TNXB: variants seen among roughly 807,000 people sequenced by gnomAD.
The protein encoded by TNXB is tenascin XB, also known as tenascin-X.
TNXB carries 183 observed loss-of-function variants against 340.5 expected under a neutral mutation model. The ratio of observed to expected loss-of-function variants is 0.54; its 90% CI spans 0.48 to 0.61. The LOEUF is 0.61. TNXB is among the 20% of genes least tolerant of loss of function. The probability of loss-of-function intolerance (pLI) is 0.00; values close to 1 mark genes in which losing one functional copy is unlikely to be tolerated. For missense variants in TNXB, 4,613 were observed against 5,446.4 expected (o/e 0.85, Z 4.82); for synonymous variants, 2,121 against 2,314.5 (o/e 0.92, Z 2.40).
Position 32,081,986 on chromosome 6 carries a change from G to A in TNXB, c.3736+50C>T, listed in dbSNP as rs1779480209. The stretch of plus-strand genomic sequence containing the variant: ...CTGGTTTTGGGCTGAAGGGAAGTGT[G>A]CATGGGGCTGAGAAGGGGTCACATG... On this transcript the variant is annotated intron_variant, in intron 9 of 43. Coordinates refer to ENST00000644971, the MANE Select transcript of TNXB (RefSeq NM_001365276.2). The surrounding 1 kb of genome is among the most constrained non-coding windows in gnomAD (Gnocchi z 5.1). 6.5e-7 allele frequency: 1 copy of A among 1,542,218 alleles called. No individual in the cohort carries two copies. The highest frequency in any genetic ancestry group is 1.2e-5 in the South Asian group (1 of 83,058).
At chr6:32,063,618 C>T (rs531621231) in intron 19 of TNXB, among the ~76,000 whole-genome samples, 10 of 152,286 alleles carry the variant, frequency 6.6e-5, no homozygotes, top group South Asian at 2.1e-4. Flanking sequence ...TGCTAACTTA[C>T]GGCAGAGAGA....
In TNXB at chr6:32,084,533, C is replaced by T. The variant is rs775630377; in HGVS notation, c.3325G>A (p.Glu1109Lys). ...RDGQPQVVPV[E>K]GPQRSAVITS... ...ATGACGGCCGAGCGCTGGGGTCCTT[C>T]CACGGGCACCACCTGGGGCTGCCCG... The change falls in exon 8 of 44, where the codon GAA (glutamate) becomes AAA (lysine). Residue 1109 changes from glutamate to lysine, a missense_variant. Coordinates refer to ENST00000644971, the MANE Select transcript of TNXB (RefSeq NM_001365276.2). The surrounding 1 kb of genome is among the most constrained non-coding windows in gnomAD (Gnocchi z 5.5). The T allele has an allele frequency of 5.0e-6, 8 of 1,608,884 alleles. No homozygotes were observed. The South Asian group carries it at 7.8e-5, about 16-fold the overall frequency.
intron 22 of TNXB, 91 bp from the exon 23 acceptor site, chr6:32,056,994 A>C: frequency 2.0e-6 from 3 of 1,515,798 alleles, no homozygotes; most frequent in Non-Finnish European, 2.7e-6. Context: ...CAAAGTGCCC[A>C]AGAGCAGGAC....
chr6:32,062,569 G>A lies in TNXB; in HGVS notation c.6842-86C>T. On this transcript the variant is annotated intron_variant, in intron 19 of 43. Coordinates refer to ENST00000644971, the MANE Select transcript of TNXB (RefSeq NM_001365276.2). This position sits in a 1 kb window ranked among gnomAD's most constrained non-coding sequence, Gnocchi z 4.3. ...CTGGGATTCTCTTAGACACACCAAGGGCCCACAGTCTGGATGCTGGTGCCC... is the reference window on the plus strand; with the variant it reads ...CTGGGATTCTCTTAGACACACCAAGAGCCCACAGTCTGGATGCTGGTGCCC... The A allele has an allele frequency of 2.3e-6, 3 of 1,307,250 alleles. No individual in the cohort carries two copies. The highest frequency in any genetic ancestry group is 3.1e-6 in the Non-Finnish European group (3 of 968,516). 81.0% of individuals were successfully genotyped at this position (1,307,250 alleles called of 1,614,324 possible). A position where few individuals can be genotyped will look rare whatever the true frequency, so the allele number is the denominator to read the frequency against.
chr6:32,097,012 G>A lies in TNXB; in HGVS notation c.841C>T (p.Pro281Ser). ...CGCCCCCTCTGACTGCAACCGCGAG[G>A]GCAGCTCCTCATGCCACAGTCGTCA... ...TGDDCGMRSC[P>S]RGCSQRGRCE... Residue 281 changes from proline (P) to serine (S), a missense_variant, in exon 3 of 44, where the codon CCT (proline) becomes TCT (serine). Transcript: ENST00000644971. This position sits in a 1 kb window ranked among gnomAD's most constrained non-coding sequence, Gnocchi z 5.9. The A allele has an allele frequency of 6.2e-7, 1 of 1,613,088 alleles. No individual in the cohort carries two copies. The highest frequency in any genetic ancestry group is 8.5e-7 in the Non-Finnish European group (1 of 1,179,582).
chr6:32,100,839 T>C (rs1335022246), intron 1 of TNXB, among the ~76,000 whole-genome samples: 1 of 152,008 alleles, frequency 6.6e-6, no homozygotes, highest in Non-Finnish European at 1.5e-5. Flanking sequence ...CCCAGCACTT[T>C]GGGAGGCTGA....
Position 32,077,294 on chromosome 6 carries a change from G to A in TNXB, c.4375+1739C>T, listed in dbSNP as rs931627367. On this transcript the variant is annotated intron_variant, in intron 11 of 43. Coordinates refer to ENST00000644971, the MANE Select transcript of TNXB (RefSeq NM_001365276.2). ...GACAGCCACTCAGGGTGGCTTTGCC[G>A]TCTCCCTCTTCTCAGGGCTGACTGA... is the stretch of plus-strand genomic sequence containing the variant. 7.9e-5 allele frequency among the ~76,000 whole-genome samples: 12 copies of A among 152,326 alleles called. No homozygotes were observed. In the East Asian group the frequency reaches 1.4e-3, roughly 17 times the overall value.
rs1469928657 is a variant in TNXB, at chr6:32,087,382, T to C, written c.2780-1264A>G. The C allele has an allele frequency of 4.2e-6, 2 of 471,066 alleles. No individual in the cohort carries two copies. The highest frequency in any genetic ancestry group is 6.5e-5 in the East Asian group (1 of 15,390). The allele number at this position is 471,066 out of a possible 1,614,324, so 29.2% of individuals were successfully genotyped here. A position where few individuals can be genotyped will look rare whatever the true frequency, so the allele number is the denominator to read the frequency against. Reference sequence around the variant, plus strand: ...GCGCGTGGTGCCCGGCACAGTCAGCTCACCGCCGGGGCCCTCTGCAGGCGG... The same window carrying C: ...GCGCGTGGTGCCCGGCACAGTCAGCCCACCGCCGGGGCCCTCTGCAGGCGG... On this transcript the variant is annotated intron_variant, in intron 6 of 43. Transcript: ENST00000644971. The surrounding 1 kb of genome is among the most constrained non-coding windows in gnomAD (Gnocchi z 9.0).
chr6:32,044,066 C>G lies in TNXB; in HGVS notation c.11327G>C (p.Trp3776Ser). The change falls in exon 34 of 44, where the codon TGG becomes TCG. Residue 3776 changes from tryptophan to serine, a missense_variant. Coordinates refer to ENST00000644971, the MANE Select transcript of TNXB (RefSeq NM_001365276.2). ...EIRETSAKVN[W>S]MPPPSRADSF... The stretch of plus-strand genomic sequence containing the variant: ...GTCCGCCCGGGATGGTGGGGGCATC[C>G]AGTTGACCTTGGCTGAGGTCTCCCT... 6.6e-7 allele frequency: 1 copy of G among 1,525,196 alleles called. No homozygotes were observed. The allele number at this position is 1,525,196 out of a possible 1,614,324, so 94.5% of individuals were successfully genotyped here.
chr6:32,099,431 C>T (rs1697258826), intron 1 of TNXB, among the ~76,000 whole-genome samples: 1 of 152,098 alleles, frequency 6.6e-6, no homozygotes, highest in Admixed American at 6.6e-5. Context: ...TGAGGTTTCA[C>T]CATGTAGGCA....
In TNXB at chr6:32,070,687, C is replaced by T. The variant is rs892484862; in HGVS notation, c.4991-273G>A. On this transcript the variant is annotated intron_variant, in intron 13 of 43. Coordinates refer to ENST00000644971, the MANE Select transcript of TNXB (RefSeq NM_001365276.2). This position sits in a 1 kb window ranked among gnomAD's most constrained non-coding sequence, Gnocchi z 6.0. ...CCCCTTTCTGTCCAGCCTCTTTCCG[C>T]CTCTCACAGACTGCTTCCCCAGCAG... is the stretch of plus-strand genomic sequence containing the variant. Among the ~76,000 whole-genome samples the T allele has an allele frequency of 2.0e-5, 3 of 152,188 alleles. No homozygotes were observed. Among genetic ancestry groups the T allele is most frequent in the African/African-American group, 7.2e-5 (3 of 41,452 alleles).
rs946271836 is a variant in TNXB, at chr6:32,065,024, G to A, written c.6638C>T (p.Ser2213Phe). Residue 2213 changes from serine to phenylalanine, a missense_variant, in exon 19 of 44, where the codon TCC becomes TTC. By Grantham distance (155) the Ser-to-Phe change is radical. Coordinates refer to ENST00000644971, the MANE Select transcript of TNXB (RefSeq NM_001365276.2). The part of the protein sequence containing the change: ...RDITSDSLSL[S>F]WTVPEGQFDH... ...AAACTGGCCCTCGGGGACTGTCCAG[G>A]AGAGGCTGAGGGAGTCGGAGGTGAT... is the stretch of plus-strand genomic sequence containing the variant. The A allele has an allele frequency of 1.6e-5, 26 of 1,610,196 alleles. No homozygotes were observed. Among genetic ancestry groups the A allele is most frequent in the Non-Finnish European group, 2.2e-5 (26 of 1,178,668 alleles).
intron 23 of TNXB, 105 bp downstream of exon 23, chr6:32,056,481 G>T: frequency 6.6e-7 from 1 of 1,514,660 alleles, no homozygotes. Flanking sequence ...AAGCAGGTCT[G>T]TGGTGCTGAC....
intron 1 of TNXB, among the ~76,000 whole-genome samples, chr6:32,098,486 G>A (rs1471967163): frequency 6.7e-6 from 1 of 148,718 alleles, no homozygotes; most frequent in Non-Finnish European, 1.5e-5. Flanking sequence ...GTTTTGTTTT[G>A]TTTGTTTGTT....
Position 32,079,091 on chromosome 6 carries a change from G to A in TNXB, c.4317C>T (p.His1439=), listed in dbSNP as rs1487260070. Reference sequence around the variant, plus strand: ...GCTGCCCCTCGTGGAGGCCGTACAGGTGCATCTTGTACTTGTGCCCGGGCT... The same window carrying A: ...GCTGCCCCTCGTGGAGGCCGTACAGATGCATCTTGTACTTGTGCCCGGGCT... ...GLEPGHKYKM[H]LYGLHEGQRV... The change falls in exon 11 of 44, where the codon CAC becomes CAT. Residue 1439 remains histidine, a synonymous_variant. Coordinates refer to ENST00000644971, the MANE Select transcript of TNXB (RefSeq NM_001365276.2). The surrounding 1 kb of genome is among the most constrained non-coding windows in gnomAD (Gnocchi z 7.1). 6.2e-7 allele frequency: 1 copy of A among 1,613,596 alleles called. No homozygotes were observed. The highest frequency in any genetic ancestry group is 1.3e-5 in the African/African-American group (1 of 74,936).
intron 18 of TNXB, among the ~76,000 whole-genome samples, chr6:32,065,647 TCTCA>T (rs1343319378): frequency 5.3e-5 from 8 of 152,048 alleles, no homozygotes; most frequent in African/African-American, 1.9e-4. Context: ...TGACACAGAG[TCTCA>T]CTCTGTCACC....
At chr6:32,106,768 G>A (rs1781001782) in intron 1 of TNXB, among the ~76,000 whole-genome samples, 1 of 152,190 alleles carries the variant, frequency 6.6e-6, no homozygotes. Flanking sequence ...CCTTGGGTAA[G>A]AGATGGGCTC....
chr6:32,066,785 A>G (rs974248023), intron 18 of TNXB, among the ~76,000 whole-genome samples: 1 of 152,216 alleles, frequency 6.6e-6, no homozygotes, highest in Non-Finnish European at 1.5e-5. Flanking sequence ...AATAAAGAAA[A>G]CATTCAGGCC....
rs773337783 is a variant in TNXB at position 32,085,816 on chromosome 6, G to C, written c.3082C>G (p.Leu1028Val). The change falls in exon 7 of 44, where the codon CTG becomes GTG. Residue 1028 changes from leucine to valine, a missense_variant. Transcript: ENST00000644971. This position sits in a 1 kb window ranked among gnomAD's most constrained non-coding sequence, Gnocchi z 6.4. ...CCAGGAGGGACCCCATGAAGTGACA[G>C]CTCATACGGGGTTCCAGGAGGGGGT... is the stretch of plus-strand genomic sequence containing the variant. ...PPPPPGTPYELSLHGVPPGGK... is the reference protein window; with the variant it reads ...PPPPPGTPYEVSLHGVPPGGK... The C allele has an allele frequency of 8.7e-6, 14 of 1,601,310 alleles. No individual in the cohort carries two copies. In the Admixed American group the frequency reaches 2.3e-4, roughly 27 times the overall value.
Sources: gnomAD v4.1 joint callset for allele counts (sites outside exome capture counted in the v4.1 genomes callset) on GRCh38, gnomAD v4.1.1 for gene constraint, Gnocchi (gnomAD v3.1) non-coding constraint, MANE v1.5 for transcripts, NCBI Gene and HGNC (gene_info 2026-07-23, HGNC 2026-07-21) for gene names.